Variants in ZDHHC7 observed in about 807,000 individuals in gnomAD.
ZDHHC7 encodes zDHHC palmitoyltransferase 7.
Under a neutral mutation model 34.1 loss-of-function variants are expected in ZDHHC7, and 12 were observed. The ratio of observed to expected loss-of-function variants is 0.35; its 90% confidence interval spans 0.23 to 0.57. The LOEUF (loss-of-function observed/expected upper bound fraction) is 0.57. Among genes scored for constraint, ZDHHC7 ranks in the 20% least tolerant of loss-of-function variants. The pLI is 0.84. For missense variants in ZDHHC7, 388 were observed against 402.7 expected (o/e 0.96, Z 0.31); for synonymous variants, 185 against 155.4 (o/e 1.19, Z -1.42).
intron 1 of ZDHHC7, among the ~76,000 whole-genome samples, chr16:85,001,065 G>GC (rs1427262803): frequency 5.9e-5 from 9 of 152,280 alleles, no homozygotes. Context: ...AGAAGGACAA[G>GC]CCTGAGGTCC....
At chr16:85,014,538 G>A (rs1361046660), upstream of ZDHHC7, among the ~76,000 whole-genome samples, 1 of 152,174 alleles carries the variant, frequency 6.6e-6, no homozygotes, top group Non-Finnish European at 1.5e-5. Context: ...TGGAAGGGGA[G>A]GAGGTCTCTC....
chr16:84,989,694 C>CAA (rs35823318), intron 3 of ZDHHC7, among the ~76,000 whole-genome samples: 3,489 of 96,390 alleles, frequency 0.036, 318 homozygotes, highest in African/African-American at 0.13. Context: ...AACTCCGTCT[C>CAA]AAAAAAAAAA....
intron 6 of ZDHHC7, 150 bp downstream of exon 6, chr16:84,977,774 A>C: frequency 3.0e-6 from 2 of 673,738 alleles, no homozygotes; most frequent in Non-Finnish European, 5.1e-6. Context: ...GGTGGTGTTA[A>C]AACTTAACTA....
rs1326901509 is a variant in ZDHHC7 at position 84,978,063 on chromosome 16, A to T, written c.538-58T>A. ...TATTTTTTATTTTTTTTAGAAACAG[A>T]GTCTCCCTCTGTTGTCCAGGCTGGA... On this transcript the variant is annotated intron_variant, in intron 5 of 7. Coordinates refer to ENST00000313732, the MANE Select transcript of ZDHHC7 (RefSeq NM_017740.3). 12 of 1,410,060 alleles carry T rather than the reference A, an allele frequency of 8.5e-6. No homozygotes were observed. The East Asian group carries it at 1.9e-4, about 22-fold the overall frequency. 87.3% of individuals were successfully genotyped at this position (1,410,060 alleles called of 1,614,324 possible).
At chr16:85,012,410 T>A (rs945644923), upstream of ZDHHC7, among the ~76,000 whole-genome samples, 54 of 151,732 alleles carry the variant, frequency 3.6e-4, no homozygotes, top group Middle Eastern at 3.4e-3. Flanking sequence ...ATCTTTTTTT[T>A]AAAATAAAAT....
chr16:84,987,361 A>C (rs988759774), intron 3 of ZDHHC7, among the ~76,000 whole-genome samples: 1 of 152,256 alleles, frequency 6.6e-6, no homozygotes, highest in Non-Finnish European at 1.5e-5. Context: ...ACGGCGTCAC[A>C]AAAGAATGGC....
At chr16:85,015,100 G>GTTT (rs535398788), upstream of ZDHHC7, among the ~76,000 whole-genome samples, 1 of 141,238 alleles carries the variant, frequency 7.1e-6, no homozygotes, top group Non-Finnish European at 1.6e-5. Flanking sequence ...GAGTTTTGTT[G>GTTT]TTTTTTTTTT....
chr16:85,010,541 TAGC>T (rs2072777062), intron 1 of ZDHHC7, among the ~76,000 whole-genome samples: 1 of 152,214 alleles, frequency 6.6e-6, no homozygotes, highest in South Asian at 2.1e-4. Flanking sequence ...TGCAACACTG[TAGC>T]AGCGATTTGC....
intron 4 of ZDHHC7, 91 bp downstream of exon 4, chr16:84,981,779 C>T: frequency 1.2e-6 from 2 of 1,601,142 alleles, no homozygotes; most frequent in South Asian, 2.2e-5. Flanking sequence ...GGGCCATGTA[C>T]CTACGGTGGT....
the ZDHHC7 span, among the ~76,000 whole-genome samples, chr16:85,023,306 A>G: frequency 6.6e-6 from 1 of 151,866 alleles, no homozygotes; most frequent in Non-Finnish European, 1.5e-5. Flanking sequence ...AGCTGGAATT[A>G]CAGGTGTACC....
At chr16:84,982,755 C>G (rs763984165) in intron 3 of ZDHHC7, among the ~76,000 whole-genome samples, 14 of 152,256 alleles carry the variant, frequency 9.2e-5, no homozygotes, top group Non-Finnish European at 2.9e-5. Context: ...GGCCGCCCAG[C>G]GGCATCAGAA....
intron 2 of ZDHHC7, 38 bp from the exon 3 acceptor site, chr16:84,990,673 A>G (rs1323074320): frequency 6.5e-7 from 1 of 1,549,306 alleles, no homozygotes; most frequent in Non-Finnish European, 8.8e-7. Context: ...TAAGGCTCAA[A>G]AAGCTCACAA....
chr16:85,025,719 A>C, the ZDHHC7 span, among the ~76,000 whole-genome samples: 2 of 152,198 alleles, frequency 1.3e-5, no homozygotes, highest in Non-Finnish European at 2.9e-5. Context: ...CCTCTCTTTT[A>C]AAAACCAGTT....
chr16:84,977,525 G>C (rs2072313488), intron 6 of ZDHHC7, among the ~76,000 whole-genome samples: 1 of 152,224 alleles, frequency 6.6e-6, no homozygotes, highest in Non-Finnish European at 1.5e-5. Context: ...GAAGAGTTGT[G>C]TGCACCCATA....
At chr16:84,999,471 C>T (rs758763299) in intron 1 of ZDHHC7, among the ~76,000 whole-genome samples, 1 of 152,082 alleles carries the variant, frequency 6.6e-6, no homozygotes, top group Admixed American at 6.6e-5. Context: ...AACCCAAACC[C>T]GTCAACAGGA....
intron 1 of ZDHHC7, among the ~76,000 whole-genome samples, chr16:85,004,431 G>A (rs2072691979): frequency 6.6e-6 from 1 of 152,034 alleles, no homozygotes; most frequent in Non-Finnish European, 1.5e-5. Context: ...AGTCCCCCAT[G>A]CAGCACCCAG....
At chr16:84,998,383 C>T (rs1424655010) in intron 1 of ZDHHC7, among the ~76,000 whole-genome samples, 1 of 152,126 alleles carries the variant, frequency 6.6e-6, no homozygotes, top group African/African-American at 2.4e-5. Context: ...TAGGTTTCGG[C>T]TCTGGCTTCG....
chr16:84,994,166 C>G (rs551708533), intron 2 of ZDHHC7, among the ~76,000 whole-genome samples: 2 of 152,364 alleles, frequency 1.3e-5, no homozygotes, highest in African/African-American at 4.8e-5. Context: ...CCAGGGGGGT[C>G]TGGGTCTCCT....
chr16:85,019,518 G>A, the ZDHHC7 span, among the ~76,000 whole-genome samples: 1 of 152,066 alleles, frequency 6.6e-6, no homozygotes, highest in South Asian at 2.1e-4. Flanking sequence ...AGGAGTTCGA[G>A]ACCAGCCTGG....
Sources: gnomAD v4.1 joint callset for allele counts (sites outside exome capture counted in the v4.1 genomes callset) on GRCh38, gnomAD v4.1.1 for gene constraint, MANE v1.5 for transcripts, NCBI Gene and HGNC (gene_info 2026-07-23, HGNC 2026-07-21) for gene names.